The following CTNNA2 variants were observed in gnomAD, a reference collection of about 807,000 sequenced individuals.
CTNNA2 encodes the protein catenin alpha-2.
CTNNA2 carries 42 observed loss-of-function variants against 101.0 expected under a neutral mutation model. The ratio of observed to expected loss-of-function variants is 0.42; its 90% CI spans 0.32 to 0.54. CTNNA2 has a LOEUF of 0.54. CTNNA2 is among the 20% of genes least tolerant of loss of function. The probability of loss-of-function intolerance (pLI) is 0.14; values close to 1 mark genes in which losing one functional copy is unlikely to be tolerated. For synonymous variants in CTNNA2, 450 were observed against 456.4 expected (o/e 0.99, Z 0.18); for missense variants, 871 against 1,223.1 (o/e 0.71, Z 4.29).
At chr2:79,950,663 A>C (rs1312724851) in intron 7 of CTNNA2, among the ~76,000 whole-genome samples, 1 of 152,180 alleles carries the variant, frequency 6.6e-6, no homozygotes, top group Non-Finnish European at 1.5e-5. Context: ...ATTTTTGAGA[A>C]TTTGTGGTAA....
At position 80,393,305 on chromosome 2, in the gene CTNNA2, T is replaced by G. The variant is rs754263665; in HGVS notation, c.1137+14T>G. ...CTAAGGAGACAGGTACTATTTTTTATTTTTACTTTAAGTCCATGATATTCA... is the reference window on the plus strand; with the variant it reads ...CTAAGGAGACAGGTACTATTTTTTAGTTTTACTTTAAGTCCATGATATTCA... On this transcript the variant is annotated intron_variant, in intron 8 of 18. Transcript: ENST00000402739. 5 of 1,578,014 alleles carry G rather than the reference T, an allele frequency of 3.2e-6. No individual in the cohort carries two copies. Among genetic ancestry groups the G allele is most frequent in the Middle Eastern group, 1.7e-4 (1 of 5,970 alleles).
chr2:79,757,976 C>T (rs1194232202), intron 3 of CTNNA2, among the ~76,000 whole-genome samples: 1 of 152,198 alleles, frequency 6.6e-6, no homozygotes, highest in East Asian at 1.9e-4. Context: ...ATTCTTGCTA[C>T]AACTGGACAA....
intron 4 of CTNNA2, among the ~76,000 whole-genome samples, chr2:79,428,279 G>C (rs1678613544): frequency 6.6e-6 from 1 of 151,980 alleles, no homozygotes; most frequent in Non-Finnish European, 1.5e-5. Flanking sequence ...TAGTTCTTTA[G>C]AATGTGAAAG....
intron 2 of CTNNA2, among the ~76,000 whole-genome samples, chr2:79,669,546 G>A (rs1381696471): frequency 2.6e-5 from 4 of 152,156 alleles, no homozygotes; most frequent in East Asian, 1.9e-4. Flanking sequence ...GGGCAGCTCC[G>A]CTCTATAGGC....
At chr2:80,114,048 CTT>C (rs1364535292) in intron 7 of CTNNA2, among the ~76,000 whole-genome samples, 1 of 152,284 alleles carries the variant, frequency 6.6e-6, no homozygotes, top group African/African-American at 2.4e-5. Flanking sequence ...TGGGTGCCCC[CTT>C]TCTGATGGGC....
chr2:79,827,195 C>T (rs1167848816), intron 3 of CTNNA2, among the ~76,000 whole-genome samples: 18 of 152,114 alleles, frequency 1.2e-4, no homozygotes, highest in East Asian at 3.9e-4. Context: ...CCCGCCACCA[C>T]GCCCAACTAA....
At chr2:80,567,194 T>C (rs3770320) in intron 12 of CTNNA2, among the ~76,000 whole-genome samples, 23,771 of 152,044 alleles carry the variant, frequency 0.16, 1,917 homozygotes, top group Middle Eastern at 0.22. Flanking sequence ...TAGGGGTGAA[T>C]TGGGGGAATA....
At chr2:79,258,894 G>A (rs191234764) in intron 2 of CTNNA2, among the ~76,000 whole-genome samples, 5 of 144,944 alleles carry the variant, frequency 3.4e-5, no homozygotes, top group South Asian at 4.6e-4. Flanking sequence ...TGATTGTACC[G>A]AATATGGAGC....
chr2:80,183,167 A>G lies in CTNNA2; in HGVS notation c.1057-210044A>G, dbSNP rs560904317. Among the ~76,000 whole-genome samples the G allele has an allele frequency of 3.9e-5, 6 of 152,278 alleles. No individual in the cohort carries two copies. In the South Asian group the frequency reaches 1.2e-3, roughly 32 times the overall value. On this transcript the variant is annotated intron_variant, in intron 7 of 18. Coordinates refer to ENST00000402739, the MANE Select transcript of CTNNA2 (RefSeq NM_001282597.3). ...CAATAGATCCCCCCAGACACCATTT[A>G]TCGGAAAATACCAACCTCTCCCTCA...
At chr2:80,203,858 G>A (rs760748950) in intron 7 of CTNNA2, among the ~76,000 whole-genome samples, 1 of 152,198 alleles carries the variant, frequency 6.6e-6, no homozygotes, top group Non-Finnish European at 1.5e-5. Context: ...ACAAACTTCT[G>A]CCTGGGCATC....
intron 6 of CTNNA2, among the ~76,000 whole-genome samples, chr2:79,891,317 A>G (rs1172640949): frequency 2.0e-5 from 3 of 152,290 alleles, no homozygotes; most frequent in South Asian, 4.1e-4. Flanking sequence ...TTCTCAGGTG[A>G]TGTATTTGAG....
chr2:80,216,971 G>A (rs1234582130), intron 7 of CTNNA2, among the ~76,000 whole-genome samples: 1 of 151,598 alleles, frequency 6.6e-6, no homozygotes, highest in Non-Finnish European at 1.5e-5. Context: ...CCACGTAGCT[G>A]TGACTACAGG....
intron 9 of CTNNA2, among the ~76,000 whole-genome samples, chr2:80,447,056 C>T (rs1683131047): frequency 6.6e-6 from 1 of 152,084 alleles, no homozygotes; most frequent in Non-Finnish European, 1.5e-5. Flanking sequence ...CTATCAAAAT[C>T]AAAGACATTG....
chr2:79,267,057 C>T (rs1044433687), intron 2 of CTNNA2, among the ~76,000 whole-genome samples: 3 of 151,942 alleles, frequency 2.0e-5, no homozygotes, highest in Non-Finnish European at 4.4e-5. Flanking sequence ...TGATGGAAAG[C>T]GGGGCAGGGG....
intron 7 of CTNNA2, among the ~76,000 whole-genome samples, chr2:80,032,522 T>G (rs1410125901): frequency 1.3e-5 from 2 of 152,148 alleles, no homozygotes; most frequent in Non-Finnish European, 2.9e-5. Context: ...TATTCTTGAT[T>G]AAACACACAC....
intron 1 of CTNNA2, among the ~76,000 whole-genome samples, chr2:79,596,607 GCATCTGCAAAAGAAAGGTGAGAGC>G (rs1677206368): frequency 6.6e-6 from 1 of 152,196 alleles, no homozygotes; most frequent in African/African-American, 2.4e-5. Context: ...TTGTCAGAGA[GCATCTGCAAAAGAAAGGTGAGAGC>G]TTTCTGCAAA....
At chr2:80,117,332 A>C (rs1349946144) in intron 7 of CTNNA2, among the ~76,000 whole-genome samples, 2 of 152,130 alleles carry the variant, frequency 1.3e-5, no homozygotes, top group African/African-American at 2.4e-5. Flanking sequence ...TAGTTTACAT[A>C]AATTCCGTAT....
intron 4 of CTNNA2, among the ~76,000 whole-genome samples, chr2:79,456,919 C>T (rs948792242): frequency 2.0e-5 from 3 of 151,946 alleles, no homozygotes; most frequent in African/African-American, 7.2e-5. Context: ...AATTAGAATT[C>T]GGCCGGGCAT....
chr2:79,756,799 G>A lies in CTNNA2; in HGVS notation c.298+12217G>A, dbSNP rs537343775. The stretch of plus-strand genomic sequence containing the variant: ...CCTCACCAAGGAAGACATGCAGATG[G>A]CAAATAAGCATAAGAAGCAATGTTC... On this transcript the variant is annotated intron_variant, in intron 3 of 18. Coordinates refer to ENST00000402739, the MANE Select transcript of CTNNA2 (RefSeq NM_001282597.3). Among the ~76,000 whole-genome samples the A allele has an allele frequency of 1.1e-3, 171 of 152,290 alleles. 5 individuals are homozygous for A. The South Asian group carries it at 0.035, about 31-fold the overall frequency.
Sources: allele counts gnomAD v4.1 joint callset (sites outside exome capture counted in the v4.1 genomes callset), GRCh38; gene constraint gnomAD v4.1.1; transcripts MANE v1.5; gene names NCBI Gene and HGNC (gene_info 2026-07-23, HGNC 2026-07-21).